Variants in MAPK10 observed in about 807,000 individuals in gnomAD.
The protein encoded by MAPK10 is mitogen-activated protein kinase 10, also known as JNK3 alpha protein kinase.
In MAPK10, 25 loss-of-function variants were observed where a neutral mutation model predicts 59.3. That is an observed-to-expected ratio of 0.42 (90% CI 0.31 to 0.59). MAPK10 has a LOEUF of 0.59. MAPK10 is among the 20% of genes least tolerant of loss of function. The probability of loss-of-function intolerance (pLI) is 0.15; values close to 1 mark genes in which losing one functional copy is unlikely to be tolerated. For missense variants in MAPK10, 351 were observed against 568.9 expected, an observed-to-expected ratio of 0.62 and a Z score of 3.90; for synonymous variants, 190 against 200.5, an observed-to-expected ratio of 0.95 and a Z score of 0.44.
intron 3 of MAPK10, among the ~76,000 whole-genome samples, chr4:86,161,650 A>C (rs572805898): frequency 6.6e-6 from 1 of 152,200 alleles, no homozygotes; most frequent in African/African-American, 2.4e-5. Flanking sequence ...ATATCTTTTA[A>C]TATTCTGTTT....
At chr4:86,579,476 T>C (rs1013558505) in intron 1 of MAPK10, among the ~76,000 whole-genome samples, 5 of 151,540 alleles carry the variant, frequency 3.3e-5, no homozygotes, top group Non-Finnish European at 7.4e-5. Flanking sequence ...ATCCTCTCAG[T>C]AATTCTTTAT....
At chr4:86,225,398 G>A (rs1014234645) in intron 2 of MAPK10, among the ~76,000 whole-genome samples, 1 of 152,092 alleles carries the variant, frequency 6.6e-6, no homozygotes, top group East Asian at 1.9e-4. Flanking sequence ...TAGACATGTA[G>A]TCACAATCTG....
chr4:86,363,708 C>T (rs992918266), upstream of MAPK10, among the ~76,000 whole-genome samples: 3 of 151,832 alleles, frequency 2.0e-5, no homozygotes, highest in African/African-American at 7.3e-5. Context: ...ACTATAGTCA[C>T]TCTGCTGTAC....
At chr4:86,368,094 T>C (rs1251727555) in intron 1 of MAPK10, among the ~76,000 whole-genome samples, 1 of 152,210 alleles carries the variant, frequency 6.6e-6, no homozygotes, top group East Asian at 1.9e-4. Flanking sequence ...TGATTGGCAA[T>C]GCTGCGAATT....
At chr4:86,152,361 C>T (rs1428554403) in intron 4 of MAPK10, 1 of 152,100 alleles carries the variant, frequency 6.6e-6, no homozygotes, top group Non-Finnish European at 1.5e-5. Context: ...GACTGAGTAC[C>T]TTCCCTGATG....
chr4:86,130,421 T>A (rs2060794537), intron 4 of MAPK10, among the ~76,000 whole-genome samples: 1 of 152,078 alleles, frequency 6.6e-6, no homozygotes. Flanking sequence ...TAAGATAGAT[T>A]CAAACTAAAC....
intron 1 of MAPK10, among the ~76,000 whole-genome samples, chr4:86,539,520 TAGAGGTCTTACATCAGCTAGCAAG>T (rs2149094489): frequency 6.6e-6 from 1 of 152,174 alleles, no homozygotes; most frequent in African/African-American, 2.4e-5. Flanking sequence ...CCAAAAGCAT[TAGAGGTCTTACATCAGCTAGCAAG>T]AGGGGAAAAG....
chr4:86,127,973 TGTA>T (rs2149131788), intron 4 of MAPK10, among the ~76,000 whole-genome samples: 1 of 152,168 alleles, frequency 6.6e-6, no homozygotes, highest in Admixed American at 6.5e-5. Flanking sequence ...TTTATTTTAT[TGTA>T]GTGTTACTCA....
chr4:86,380,090 G>A (rs1002555914), intron 1 of MAPK10, among the ~76,000 whole-genome samples: 9 of 152,056 alleles, frequency 5.9e-5, no homozygotes, highest in Non-Finnish European at 1.2e-4. Flanking sequence ...GCCAGGCATG[G>A]TGGTGCCTAT....
At chr4:86,480,402 C>T (rs541876253) in intron 1 of MAPK10, among the ~76,000 whole-genome samples, 1 of 152,062 alleles carries the variant, frequency 6.6e-6, no homozygotes, top group Non-Finnish European at 1.5e-5. Flanking sequence ...AATGACCCCA[C>T]CCCTATCTCT....
chr4:86,287,896 A>C (rs1437398346), intron 2 of MAPK10, among the ~76,000 whole-genome samples: 1 of 152,210 alleles, frequency 6.6e-6, no homozygotes, highest in Non-Finnish European at 1.5e-5. Context: ...ATATATGGAA[A>C]GAAAATCTAT....
intron 1 of MAPK10, among the ~76,000 whole-genome samples, chr4:86,588,076 C>A (rs762562406): frequency 6.6e-6 from 1 of 152,186 alleles, no homozygotes; most frequent in Non-Finnish European, 1.5e-5. Flanking sequence ...AAAGCACAAT[C>A]ACACATACCT....
chr4:86,186,035 A>G (rs1161335098), intron 3 of MAPK10, among the ~76,000 whole-genome samples: 2 of 152,140 alleles, frequency 1.3e-5, no homozygotes, highest in African/African-American at 4.8e-5. Flanking sequence ...ACTGGGACTC[A>G]GTGGGAGCAC....
At chr4:86,214,111 T>C (rs1053492230) in intron 2 of MAPK10, among the ~76,000 whole-genome samples, 9 of 152,014 alleles carry the variant, frequency 5.9e-5, no homozygotes, top group African/African-American at 1.4e-4. Flanking sequence ...ATCTCATTAA[T>C]GGAATGAAGG....
At chr4:86,430,955 A>G (rs1349627529) in intron 1 of MAPK10, among the ~76,000 whole-genome samples, 1 of 152,120 alleles carries the variant, frequency 6.6e-6, no homozygotes, top group Admixed American at 6.5e-5. Flanking sequence ...GGCTGTTTAT[A>G]TGGGGAAAAA....
At chr4:86,112,255 G>T (rs1185689066) in intron 4 of MAPK10, among the ~76,000 whole-genome samples, 2 of 151,564 alleles carry the variant, frequency 1.3e-5, no homozygotes, top group African/African-American at 4.8e-5. Context: ...TCTTCTGCTA[G>T]CTTTGGGGTT....
intron 9 of MAPK10, chr4:86,095,811 G>A (rs1024517035): frequency 3.3e-5 from 5 of 151,610 alleles, no homozygotes; most frequent in Admixed American, 2.6e-4. Flanking sequence ...ATTTCTATAG[G>A]TTTATTTTTT....
chr4:86,088,607 G>A (rs1475722273), intron 9 of MAPK10, among the ~76,000 whole-genome samples: 1 of 152,036 alleles, frequency 6.6e-6, no homozygotes, highest in Non-Finnish European at 1.5e-5. Flanking sequence ...TTTAATTATT[G>A]CACTTGTTAA....
chr4:86,541,124 TTCTTGAAA>T (rs1758659602), intron 1 of MAPK10, among the ~76,000 whole-genome samples: 1 of 152,018 alleles, frequency 6.6e-6, no homozygotes, highest in South Asian at 2.1e-4. Context: ...CCATGGGGCA[TTCTTGAAA>T]TCTTGAAAGG....
Sources: gnomAD v4.1 joint callset for allele counts (sites outside exome capture counted in the v4.1 genomes callset) on GRCh38, gnomAD v4.1.1 for gene constraint, MANE v1.5 for transcripts, NCBI Gene and HGNC (gene_info 2026-07-23, HGNC 2026-07-21) for gene names.